GRIN3A: variants seen among roughly 807,000 people sequenced by gnomAD.
GRIN3A encodes the protein glutamate ionotropic receptor NMDA type subunit 3A, also known as glutamate receptor ionotropic, NMDA 3A.
Under a neutral mutation model 92.4 loss-of-function variants are expected in GRIN3A, and 47 were observed. That is an observed-to-expected ratio of 0.51 (90% confidence interval 0.40 to 0.65). GRIN3A has a LOEUF of 0.65. GRIN3A is among the 30% of genes least tolerant of loss of function. The pLI is 0.00. For missense variants in GRIN3A, 1,324 were observed against 1,393.1 expected, an observed-to-expected ratio of 0.95 and a Z score of 0.79; for synonymous variants, 527 against 540.6, an observed-to-expected ratio of 0.97 and a Z score of 0.35.
chr9:101,580,949 C>A (rs1827879841), intron 6 of GRIN3A, among the ~76,000 whole-genome samples: 1 of 152,140 alleles, frequency 6.6e-6, no homozygotes. Context: ...TTAAGAAAAC[C>A]CTCACATGTA....
intron 6 of GRIN3A, among the ~76,000 whole-genome samples, chr9:101,595,986 C>T (rs1828123397): frequency 6.6e-6 from 1 of 152,196 alleles, no homozygotes; most frequent in South Asian, 2.1e-4. Context: ...CCCTCTTATT[C>T]CTTCTTCCTT....
At chr9:101,660,997 TAAC>T in intron 3 of GRIN3A, among the ~76,000 whole-genome samples, 1 of 152,012 alleles carries the variant, frequency 6.6e-6, no homozygotes, top group East Asian at 1.9e-4. Flanking sequence ...GTGGGACAGT[TAAC>T]AAACAGATTG....
chr9:101,668,366 A>ATT (rs71906525), intron 3 of GRIN3A, among the ~76,000 whole-genome samples: 2 of 148,532 alleles, frequency 1.3e-5, no homozygotes, highest in African/African-American at 4.9e-5. Flanking sequence ...CATATATTAG[A>ATT]TTTTTTTTTT....
At chr9:101,686,262 C>A (rs1377717472) in intron 2 of GRIN3A, among the ~76,000 whole-genome samples, 1 of 151,990 alleles carries the variant, frequency 6.6e-6, no homozygotes, top group Non-Finnish European at 1.5e-5. Context: ...TATACTATAC[C>A]AAGCTATTCA....
chr9:101,734,340 G>T (rs1466194594), intron 1 of GRIN3A, among the ~76,000 whole-genome samples: 1 of 152,140 alleles, frequency 6.6e-6, no homozygotes, highest in Admixed American at 6.5e-5. Context: ...AATAAAATGG[G>T]TTAGCCTCAA....
At chr9:101,608,109 A>T (rs1828310340) in intron 6 of GRIN3A, among the ~76,000 whole-genome samples, 1 of 152,204 alleles carries the variant, frequency 6.6e-6, no homozygotes, top group Admixed American at 6.5e-5. Flanking sequence ...ATAGACCAGG[A>T]TACACCATAC....
At chr9:101,645,167 C>T (rs973440161) in intron 3 of GRIN3A, among the ~76,000 whole-genome samples, 2 of 152,032 alleles carry the variant, frequency 1.3e-5, no homozygotes, top group Admixed American at 6.6e-5. Flanking sequence ...CCCCATGCTT[C>T]CTAACCTCTA....
chr9:101,737,666 C>G lies in GRIN3A; in HGVS notation c.314G>C (p.Arg105Pro), dbSNP rs1426219199. ...GGGCTTACGGGAGCCCGGCGGCCCC[C>G]GGCCATGCAGGGTGCTCCCCAACCA... ...ARWLGSTLHG[R>P]GPPGSRKPGE... Residue 105 changes from arginine (R) to proline (P), a missense_variant, in exon 1 of 9, where the codon CGG becomes CCG. Coordinates refer to ENST00000361820, the MANE Select transcript of GRIN3A (RefSeq NM_133445.3). 6 of 1,594,546 alleles carry G rather than the reference C, an allele frequency of 3.8e-6. No individual in the cohort carries two copies. Among genetic ancestry groups the G allele is most frequent in the African/African-American group, 1.3e-5 (1 of 74,648 alleles).
At chr9:101,682,940 C>A (rs1588280932) in intron 2 of GRIN3A, among the ~76,000 whole-genome samples, 1 of 152,236 alleles carries the variant, frequency 6.6e-6, no homozygotes, top group Non-Finnish European at 1.5e-5. Flanking sequence ...CGAGATTGCG[C>A]CACCGCACTC....
At chr9:101,637,724 T>C (rs1456913044) in intron 3 of GRIN3A, among the ~76,000 whole-genome samples, 1 of 152,338 alleles carries the variant, frequency 6.6e-6, no homozygotes, top group African/African-American at 2.4e-5. Flanking sequence ...ATTTAACTAA[T>C]GTGTCCCAGA....
At chr9:101,715,214 A>G (rs1365028998) in intron 1 of GRIN3A, among the ~76,000 whole-genome samples, 1 of 151,380 alleles carries the variant, frequency 6.6e-6, no homozygotes, top group South Asian at 2.1e-4. Context: ...AAAAAAAAAA[A>G]AAAAAGAAAA....
chr9:101,575,117 A>G (rs998501881), intron 8 of GRIN3A, among the ~76,000 whole-genome samples: 1 of 152,214 alleles, frequency 6.6e-6, no homozygotes, highest in Non-Finnish European at 1.5e-5. Context: ...CAACTTATAC[A>G]TGACCCAAGC....
At chr9:101,718,123 C>G (rs919452755) in intron 1 of GRIN3A, among the ~76,000 whole-genome samples, 1 of 152,122 alleles carries the variant, frequency 6.6e-6, no homozygotes, top group Admixed American at 6.6e-5. Context: ...TGAAAGTGGA[C>G]CATTAATTCA....
intron 4 of GRIN3A, among the ~76,000 whole-genome samples, chr9:101,627,472 G>A (rs1828649593): frequency 6.6e-6 from 1 of 152,162 alleles, no homozygotes. Context: ...TGCTGACCAT[G>A]GAGAAACCAG....
intron 6 of GRIN3A, among the ~76,000 whole-genome samples, chr9:101,605,349 A>G (rs1186060493): frequency 6.6e-6 from 1 of 152,246 alleles, no homozygotes; most frequent in Non-Finnish European, 1.5e-5. Flanking sequence ...AGCCAGAAAC[A>G]TAAAATATCT....
At chr9:101,682,559 A>G (rs1300695907) in intron 2 of GRIN3A, among the ~76,000 whole-genome samples, 1 of 152,234 alleles carries the variant, frequency 6.6e-6, no homozygotes, top group Non-Finnish European at 1.5e-5. Flanking sequence ...TCAAGTCTTC[A>G]TTTTGTCTAC....
intron 6 of GRIN3A, chr9:101,592,702 A>T (rs550708852): frequency 6.6e-6 from 1 of 151,624 alleles, no homozygotes; most frequent in South Asian, 2.1e-4. Flanking sequence ...ACAAAAGTAT[A>T]TGGTAGGGTA....
At chr9:101,577,960 A>C in intron 7 of GRIN3A, 116 bp from the exon 8 acceptor site, 1 of 748,976 alleles carries the variant, frequency 1.3e-6, no homozygotes, top group Non-Finnish European at 2.4e-6. Flanking sequence ...GGCCTCTTTA[A>C]ACAAATTCCA....
intron 1 of GRIN3A, among the ~76,000 whole-genome samples, chr9:101,719,256 A>C (rs1458797193): frequency 6.6e-6 from 1 of 152,078 alleles, no homozygotes; most frequent in East Asian, 1.9e-4. Flanking sequence ...TTCTCTAATA[A>C]AAATACGACA....
Sources: allele counts gnomAD v4.1 joint callset (sites outside exome capture counted in the v4.1 genomes callset), GRCh38; gene constraint gnomAD v4.1.1; transcripts MANE v1.5; gene names NCBI Gene and HGNC (gene_info 2026-07-23, HGNC 2026-07-21).